The following RAPGEF6 variants were observed in gnomAD, a reference collection of about 807,000 sequenced individuals.
RAPGEF6 encodes the protein Rap guanine nucleotide exchange factor 6, also known as PDZ domain containing guanine nucleotide exchange factor (GEF) 2.
RAPGEF6 carries 56 observed loss-of-function variants against 171.4 expected under a neutral mutation model. That is an observed-to-expected ratio of 0.33 (90% CI 0.26 to 0.41). RAPGEF6 has a LOEUF of 0.41. Among genes scored for constraint, RAPGEF6 ranks in the 10% least tolerant of loss-of-function variants. RAPGEF6 has a pLI of 1.00. For synonymous variants in RAPGEF6, 692 were observed against 650.1 expected (o/e 1.06, Z -0.98); for missense variants, 1,674 against 1,921.4 (o/e 0.87, Z 2.41).
chr5:131,560,568 C>T (rs1761533629), intron 5 of RAPGEF6, among the ~76,000 whole-genome samples: 1 of 152,098 alleles, frequency 6.6e-6, no homozygotes, highest in Non-Finnish European at 1.5e-5. Context: ...TGCCATGTTC[C>T]TCAATACATA....
intron 27 of RAPGEF6, among the ~76,000 whole-genome samples, chr5:131,428,345 T>C (rs902189288): frequency 1.3e-5 from 2 of 152,178 alleles, no homozygotes; most frequent in Non-Finnish European, 2.9e-5. Context: ...CCCAGGAGTC[T>C]GAGGCTGTAG....
intron 4 of RAPGEF6, among the ~76,000 whole-genome samples, chr5:131,567,243 G>C (rs956029438): frequency 1.3e-5 from 2 of 151,980 alleles, no homozygotes; most frequent in East Asian, 3.9e-4. Flanking sequence ...ACTTTTGAAA[G>C]AGCCAACTTT....
chr5:131,445,667 C>T (rs1752645061), intron 22 of RAPGEF6, among the ~76,000 whole-genome samples: 1 of 152,088 alleles, frequency 6.6e-6, no homozygotes, highest in Admixed American at 6.6e-5. Context: ...ACTGCAGCTT[C>T]AAACTCTTGG....
At chr5:131,504,576 TTGA>T in intron 11 of RAPGEF6, 47 bp downstream of exon 11, 2 of 1,500,914 alleles carry the variant, frequency 1.3e-6, no homozygotes, top group South Asian at 1.4e-5. Flanking sequence ...GATGAAAGCT[TTGA>T]TGATAGAATA....
At chr5:131,631,722 G>A (rs1766317602) in intron 1 of RAPGEF6, among the ~76,000 whole-genome samples, 2 of 152,172 alleles carry the variant, frequency 1.3e-5, no homozygotes, top group South Asian at 2.1e-4. Flanking sequence ...TGAAGCAGGA[G>A]AATCTGTTGA....
In RAPGEF6 at chr5:131,515,986, G is replaced by A. The variant is rs113128187; in HGVS notation, c.627+5404C>T. Among the ~76,000 whole-genome samples the A allele has an allele frequency of 4.3e-3, 630 of 147,876 alleles. 5 individuals are homozygous for A. Among genetic ancestry groups the A allele is most frequent in the African/African-American group, 0.015 (597 of 39,900 alleles). ...AATCAGAGCAATTTATTTCAAGTGG[G>A]AGTTTAAAAATGATAGTCAAAAGAT... On this transcript the variant is annotated intron_variant, in intron 7 of 27. Coordinates refer to ENST00000509018, the MANE Select transcript of RAPGEF6 (RefSeq NM_016340.6).
chr5:131,438,949 G>T (rs542148081), intron 24 of RAPGEF6, among the ~76,000 whole-genome samples: 2 of 152,072 alleles, frequency 1.3e-5, no homozygotes, highest in African/African-American at 4.8e-5. Context: ...TTGAGACAGG[G>T]TCTTGCTGTG....
intron 13 of RAPGEF6, among the ~76,000 whole-genome samples, chr5:131,495,037 G>T (rs78083590): frequency 0.026 from 4,020 of 152,252 alleles, 187 homozygotes; most frequent in African/African-American, 0.091. Context: ...TCAGACGCCT[G>T]TAATCTCAGC....
intron 7 of RAPGEF6, among the ~76,000 whole-genome samples, chr5:131,512,601 G>T (rs1757810087): frequency 6.6e-6 from 1 of 152,120 alleles, no homozygotes; most frequent in African/African-American, 2.4e-5. Flanking sequence ...ACAGCTTTAA[G>T]TAATAGTCAT....
chr5:131,482,955 A>G (rs1313758044), intron 15 of RAPGEF6, among the ~76,000 whole-genome samples: 1 of 152,250 alleles, frequency 6.6e-6, no homozygotes, highest in Non-Finnish European at 1.5e-5. Context: ...AGTTAATGCT[A>G]TGCTAAAGTA....
In RAPGEF6 at chr5:131,506,860, T is replaced by C. The variant is rs1348509034; in HGVS notation, c.942+1211A>G. Among the ~76,000 whole-genome samples, 8 of 152,034 alleles carry C rather than the reference T, an allele frequency of 5.3e-5. No homozygotes were observed. The South Asian group carries it at 1.2e-3, about 24-fold the overall frequency. On this transcript the variant is annotated intron_variant, in intron 9 of 27. Coordinates refer to ENST00000509018, the MANE Select transcript of RAPGEF6 (RefSeq NM_016340.6). ...GTTTAAAGCTTATTTCTCTCTTATGTATATATTTTATATTATTGAAATATT... is the reference window on the plus strand; with the variant it reads ...GTTTAAAGCTTATTTCTCTCTTATGCATATATTTTATATTATTGAAATATT...
At chr5:131,531,692 C>G (rs1759384087) in intron 6 of RAPGEF6, among the ~76,000 whole-genome samples, 1 of 152,104 alleles carries the variant, frequency 6.6e-6, no homozygotes, top group African/African-American at 2.4e-5. Context: ...TAGCACAATT[C>G]AATCATAATT....
chr5:131,541,246 C>G (rs939958195), intron 6 of RAPGEF6, among the ~76,000 whole-genome samples: 2 of 152,184 alleles, frequency 1.3e-5, no homozygotes, highest in African/African-American at 4.8e-5. Flanking sequence ...GATGAATGGA[C>G]TCTTGGGAGC....
At chr5:131,549,343 C>T (rs576252929) in intron 5 of RAPGEF6, among the ~76,000 whole-genome samples, 3 of 152,210 alleles carry the variant, frequency 2.0e-5, no homozygotes, top group African/African-American at 4.8e-5. Context: ...CCAAAAATTT[C>T]CTAGGCACCC....
chr5:131,495,936 T>C (rs1473182252), intron 12 of RAPGEF6, among the ~76,000 whole-genome samples: 2 of 152,222 alleles, frequency 1.3e-5, no homozygotes, highest in Admixed American at 6.5e-5. Context: ...CTATTTCAGG[T>C]AGCACCTTAA....
intron 1 of RAPGEF6, among the ~76,000 whole-genome samples, chr5:131,619,914 T>C (rs1376242313): frequency 6.6e-6 from 1 of 152,226 alleles, no homozygotes; most frequent in African/African-American, 2.4e-5. Flanking sequence ...AATCTCTCTG[T>C]GATTCAATTT....
intron 4 of RAPGEF6, among the ~76,000 whole-genome samples, chr5:131,581,000 C>T (rs1369594806): frequency 1.3e-5 from 2 of 151,786 alleles, no homozygotes; most frequent in Non-Finnish European, 2.9e-5. Flanking sequence ...GGACTTTCTG[C>T]CTCCACTACC....
intron 11 of RAPGEF6, among the ~76,000 whole-genome samples, chr5:131,499,588 A>C (rs1756881438): frequency 6.7e-6 from 1 of 150,074 alleles, no homozygotes; most frequent in Non-Finnish European, 1.5e-5. Flanking sequence ...TCTCAAAAAA[A>C]AAAAAAAAAA....
At chr5:131,548,662 G>A (rs1301256046) in intron 5 of RAPGEF6, among the ~76,000 whole-genome samples, 2 of 152,148 alleles carry the variant, frequency 1.3e-5, no homozygotes, top group South Asian at 2.1e-4. Context: ...AAGTAAGGCT[G>A]GCATCTTCTA....
Sources: allele counts gnomAD v4.1 joint callset (sites outside exome capture counted in the v4.1 genomes callset), GRCh38; gene constraint gnomAD v4.1.1; transcripts MANE v1.5; gene names NCBI Gene and HGNC (gene_info 2026-07-23, HGNC 2026-07-21).